Variants in ADGRB3 observed in about 807,000 individuals in gnomAD.
The protein encoded by ADGRB3 is adhesion G protein-coupled receptor B3, also known as brain-specific angiogenesis inhibitor 3.
In ADGRB3, 37 loss-of-function variants were observed where a neutral mutation model predicts 193.4. The observed-to-expected ratio is 0.19, with a 90% CI of 0.15 to 0.25. The LOEUF is 0.25. ADGRB3 is among the 10% of genes least tolerant of loss of function. The probability of loss-of-function intolerance (pLI) is 1.00; values close to 1 mark genes in which losing one functional copy is unlikely to be tolerated. For synonymous variants in ADGRB3, 690 were observed against 644.2 expected, an observed-to-expected ratio of 1.07 and a Z score of -1.08; for missense variants, 1,637 against 1,852.9, an observed-to-expected ratio of 0.88 and a Z score of 2.14.
chr6:69,088,102 A>G (rs1772600498), intron 17 of ADGRB3, among the ~76,000 whole-genome samples: 2 of 152,168 alleles, frequency 1.3e-5, no homozygotes, highest in Non-Finnish European at 2.9e-5. Context: ...TCCTTCCTAT[A>G]TGATCCATTT....
chr6:68,974,952 C>T (rs754216781), intron 9 of ADGRB3, 88 bp downstream of exon 9: 5 of 1,151,618 alleles, frequency 4.3e-6, no homozygotes, highest in Admixed American at 4.4e-5. Context: ...ATGTTTTTGT[C>T]TTATATCCAT....
chr6:68,758,074 G>T (rs183831584), intron 3 of ADGRB3, among the ~76,000 whole-genome samples: 76 of 152,074 alleles, frequency 5.0e-4, no homozygotes, highest in African/African-American at 1.8e-3. Context: ...TCCTGTTCTG[G>T]CCTCTGATAG....
chr6:69,237,882 A>T (rs903488415), intron 19 of ADGRB3, among the ~76,000 whole-genome samples: 4 of 152,082 alleles, frequency 2.6e-5, no homozygotes, highest in Non-Finnish European at 5.9e-5. Context: ...GCCACTGATG[A>T]TACAGGAACA....
intron 3 of ADGRB3, among the ~76,000 whole-genome samples, chr6:68,697,595 T>C (rs1252195043): frequency 1.3e-5 from 2 of 152,124 alleles, no homozygotes; most frequent in Non-Finnish European, 2.9e-5. Context: ...TTCTGTATAA[T>C]GATGATTCCT....
chr6:69,081,004 T>A (rs1236045173), intron 17 of ADGRB3, among the ~76,000 whole-genome samples: 1 of 152,038 alleles, frequency 6.6e-6, no homozygotes, highest in Non-Finnish European at 1.5e-5. Context: ...CCTAAGGTCT[T>A]GTAGTTGTTC....
chr6:69,122,993 C>CGTGT (rs150375798), intron 17 of ADGRB3, among the ~76,000 whole-genome samples: 56,672 of 148,484 alleles, frequency 0.38, 11,346 homozygotes, highest in South Asian at 0.48. Context: ...TATACACATA[C>CGTGT]GTGTGAGTGT....
intron 13 of ADGRB3, among the ~76,000 whole-genome samples, chr6:69,026,907 G>A (rs1322485835): frequency 6.6e-6 from 1 of 152,168 alleles, no homozygotes; most frequent in Non-Finnish European, 1.5e-5. Context: ...AAGTTGCTCT[G>A]CATGAGTCAG....
chr6:68,931,064 A>G (rs1767323685), intron 4 of ADGRB3, among the ~76,000 whole-genome samples: 1 of 152,040 alleles, frequency 6.6e-6, no homozygotes, highest in Non-Finnish European at 1.5e-5. Context: ...GAATATATTG[A>G]ATTTTTTCAA....
At chr6:68,920,650 A>T (rs1225881171) in intron 3 of ADGRB3, among the ~76,000 whole-genome samples, 1 of 152,108 alleles carries the variant, frequency 6.6e-6, no homozygotes, top group East Asian at 1.9e-4. Flanking sequence ...GAGAAAAAAA[A>T]CTTAACCCTA....
intron 20 of ADGRB3, among the ~76,000 whole-genome samples, chr6:69,244,414 G>T (rs1020676054): frequency 6.6e-6 from 1 of 151,872 alleles, no homozygotes; most frequent in African/African-American, 2.4e-5. Context: ...CCTTAACTTG[G>T]GTCAAGCACT....
chr6:69,139,326 ATATT>A (rs1774246203), intron 17 of ADGRB3, among the ~76,000 whole-genome samples: 1 of 152,196 alleles, frequency 6.6e-6, no homozygotes, highest in African/African-American at 2.4e-5. Flanking sequence ...TGACTCACTG[ATATT>A]CAGACTGGTT....
At chr6:69,100,888 A>G (rs1299469274) in intron 17 of ADGRB3, among the ~76,000 whole-genome samples, 10 of 6,402 alleles carry the variant, frequency 1.6e-3, no homozygotes, top group South Asian at 0.011. Flanking sequence ...AAGGGAGGGA[A>G]GGAAGGAAGG....
intron 17 of ADGRB3, among the ~76,000 whole-genome samples, chr6:69,155,013 T>C (rs1774792363): frequency 1.3e-5 from 2 of 152,182 alleles, no homozygotes; most frequent in Admixed American, 1.3e-4. Context: ...ACAGAGAATA[T>C]TGAAAATGCA....
At chr6:68,936,416 A>G (rs918895438) in intron 4 of ADGRB3, 103 bp from the exon 5 acceptor site, 6 of 1,188,828 alleles carry the variant, frequency 5.0e-6, no homozygotes, top group Middle Eastern at 2.5e-4. Flanking sequence ...TCATATTTTT[A>G]CATTTAAATT....
intron 28 of ADGRB3, among the ~76,000 whole-genome samples, chr6:69,359,861 A>C (rs1769415829): frequency 6.6e-6 from 1 of 151,920 alleles, no homozygotes; most frequent in Admixed American, 6.6e-5. Flanking sequence ...AGTTACAAAA[A>C]TAAGTCTTCA....
intron 16 of ADGRB3, among the ~76,000 whole-genome samples, chr6:69,068,177 C>T (rs895697365): frequency 3.9e-5 from 6 of 152,144 alleles, no homozygotes; most frequent in South Asian, 4.1e-4. Flanking sequence ...CCTCCAAAGA[C>T]GTCCACATCC....
At chr6:68,689,611 T>C (rs767564146) in intron 3 of ADGRB3, among the ~76,000 whole-genome samples, 47 of 152,100 alleles carry the variant, frequency 3.1e-4, no homozygotes, top group Non-Finnish European at 6.0e-4. Context: ...GAGAGCAAAA[T>C]TGACATAGAT....
At chr6:69,354,992 T>C (rs772116057) in intron 27 of ADGRB3, among the ~76,000 whole-genome samples, 5 of 152,206 alleles carry the variant, frequency 3.3e-5, no homozygotes, top group Non-Finnish European at 7.4e-5. Flanking sequence ...TTACAGTATA[T>C]TCAATTTATT....
chr6:68,942,432 A>G (rs1767669360), intron 5 of ADGRB3, among the ~76,000 whole-genome samples: 1 of 152,166 alleles, frequency 6.6e-6, no homozygotes, highest in East Asian at 1.9e-4. Flanking sequence ...TTGAACTTCT[A>G]AGAGTATAGC....
Sources: gnomAD v4.1 joint callset for allele counts (sites outside exome capture counted in the v4.1 genomes callset) on GRCh38, gnomAD v4.1.1 for gene constraint, MANE v1.5 for transcripts, NCBI Gene and HGNC (gene_info 2026-07-23, HGNC 2026-07-21) for gene names.